WDR20: variants seen among roughly 807,000 people sequenced by gnomAD.
WDR20 encodes the protein WD repeat domain 20.
WDR20 carries 3 observed loss-of-function variants against 38.7 expected under a neutral mutation model. The observed-to-expected ratio is 0.08, with a 90% CI of 0.04 to 0.20. WDR20 has a LOEUF of 0.20. Ranked by LOEUF, WDR20 falls within the 10% of genes least tolerant of loss-of-function variation. The probability of loss-of-function intolerance (pLI) is 1.00; values close to 1 mark genes in which losing one functional copy is unlikely to be tolerated. For missense variants in WDR20, 559 were observed against 727.7 expected (o/e 0.77, Z 2.67); for synonymous variants, 298 against 285.6 (o/e 1.04, Z -0.44).
rs570206221 is a variant in WDR20, at chr14:102,207,787, C to T, written c.433-816C>T. ...CCTTTGGTGGGGCAGGTATTTTTGC[C>T]CTTCGTTATTTGGGTTTTAAAGGCA... On this transcript the variant is annotated intron_variant, in intron 2 of 2. Transcript: ENST00000342702. This position sits in a 1 kb window ranked among gnomAD's most constrained non-coding sequence, Gnocchi z 5.0. Among the ~76,000 whole-genome samples the T allele has an allele frequency of 6.6e-6, 1 of 152,218 alleles. No individual in the cohort carries two copies. Among genetic ancestry groups the T allele is most frequent in the African/African-American group, 2.4e-5 (1 of 41,532 alleles).
chr14:102,140,240 G>A (rs1316797235), intron 1 of WDR20, 68 bp downstream of exon 1: 1 of 1,588,364 alleles, frequency 6.3e-7, no homozygotes, highest in Admixed American at 1.7e-5. Context: ...GGCGGTGACA[G>A]TGGGGCCAGG....
chr14:102,208,919 A>C lies in WDR20; in HGVS notation c.749A>C (p.Asp250Ala), dbSNP rs1327556458. Residue 250 changes from aspartate (D) to alanine (A), a missense_variant, in exon 3 of 3, where the codon GAC becomes GCC. Transcript: ENST00000342702. The surrounding 1 kb of genome is among the most constrained non-coding windows in gnomAD (Gnocchi z 5.6). ...GGGTTTCTGCGGGTGTTCAACTTTG[A>C]CTCAGTGGAGCTGCACGGTACGATG... The part of the protein sequence containing the change: ...QDGFLRVFNF[D>A]SVELHGTMKS... 1 of 1,613,866 alleles carries C rather than the reference A, an allele frequency of 6.2e-7. No homozygotes were observed. The highest frequency in any genetic ancestry group is 8.5e-7 in the Non-Finnish European group (1 of 1,179,998).
chr14:102,152,278 T>C (rs1309349480), intron 1 of WDR20, among the ~76,000 whole-genome samples: 1 of 152,084 alleles, frequency 6.6e-6, no homozygotes, highest in Admixed American at 6.6e-5. Flanking sequence ...CCTGGAAGTA[T>C]TGATAAGAAA....
chr14:102,182,290 T>C (rs118157832), intron 1 of WDR20, among the ~76,000 whole-genome samples: 2,594 of 152,332 alleles, frequency 0.017, 50 homozygotes, highest in South Asian at 0.097. Context: ...CACAGTGAAC[T>C]GTTCTAACAC....
chr14:102,172,244 G>C (rs1290203322), intron 1 of WDR20, among the ~76,000 whole-genome samples: 1 of 147,484 alleles, frequency 6.8e-6, no homozygotes, highest in African/African-American at 2.4e-5. Context: ...AGATCAACAG[G>C]ATCCCAAGGC....
chr14:102,190,101 A>G (rs922160790), intron 1 of WDR20, among the ~76,000 whole-genome samples: 2 of 152,130 alleles, frequency 1.3e-5, no homozygotes, highest in Admixed American at 6.5e-5. Context: ...AAGGGTGGAG[A>G]GGCAAGATGG....
chr14:102,208,303 C>T lies in WDR20; in HGVS notation c.433-300C>T, dbSNP rs1036990431. Among the ~76,000 whole-genome samples, 5 of 152,354 alleles carry T rather than the reference C, an allele frequency of 3.3e-5. No homozygotes were observed. Among genetic ancestry groups the T allele is most frequent in the East Asian group, 1.9e-4 (1 of 5,194 alleles). On this transcript the variant is annotated intron_variant, in intron 2 of 2. Coordinates refer to ENST00000342702, the MANE Select transcript of WDR20 (RefSeq NM_144574.4). This position sits in a 1 kb window ranked among gnomAD's most constrained non-coding sequence, Gnocchi z 5.6. ...AAGATCCCAGCAGGGCTGTTCCCTCCGCAGTGAACCCTGTGCCTGGCATCG... is the reference window on the plus strand; with the variant it reads ...AAGATCCCAGCAGGGCTGTTCCCTCTGCAGTGAACCCTGTGCCTGGCATCG...
chr14:102,159,694 AGTG>A (rs1422346929), intron 1 of WDR20, among the ~76,000 whole-genome samples: 2 of 151,338 alleles, frequency 1.3e-5, no homozygotes, highest in African/African-American at 4.9e-5. Flanking sequence ...ATCAACGAGG[AGTG>A]GTGACCTGTG....
At chr14:102,147,231 C>T (rs1218826505) in intron 1 of WDR20, among the ~76,000 whole-genome samples, 1 of 152,258 alleles carries the variant, frequency 6.6e-6, no homozygotes. Flanking sequence ...CACATCTCTA[C>T]TAAAAATACA....
chr14:102,215,606 T>A (rs537151908), downstream of WDR20, among the ~76,000 whole-genome samples: 1 of 152,324 alleles, frequency 6.6e-6, no homozygotes, highest in South Asian at 2.1e-4. Context: ...TTTTTCCTTA[T>A]GCTCTCCCTC....
At chr14:102,163,673 T>C (rs1306720217) in intron 1 of WDR20, among the ~76,000 whole-genome samples, 3 of 145,358 alleles carry the variant, frequency 2.1e-5, no homozygotes, top group Non-Finnish European at 4.5e-5. Context: ...ATTCTGTTAA[T>C]AGCAGCAGAA....
downstream of WDR20, among the ~76,000 whole-genome samples, chr14:102,212,249 C>G (rs1234810345): frequency 6.6e-6 from 1 of 152,204 alleles, no homozygotes; most frequent in Non-Finnish European, 1.5e-5. Context: ...TGATAACAAT[C>G]TTTTTCTTCC....
chr14:102,222,853 G>C lies in WDR20; in HGVS notation c.1716G>C (p.Gln572His). Reference sequence around the variant, plus strand: ...AGGGCTCATTGTCATCCCCAAGCCAGGCCAGTTCTCCAGGTGGAACTGTAG... The same window carrying C: ...AGGGCTCATTGTCATCCCCAAGCCACGCCAGTTCTCCAGGTGGAACTGTAG... Residue 572 changes from glutamine (Q) to histidine (H), a missense_variant, in exon 4 of 4, where the codon CAG (glutamine) becomes CAC (histidine). Coordinates refer to the WDR20 transcript ENST00000335263. The surrounding 1 kb of genome is among the most constrained non-coding windows in gnomAD (Gnocchi z 4.4). 1.2e-6 allele frequency: 2 copies of C among 1,614,212 alleles called. No individual in the cohort carries two copies. Among genetic ancestry groups the C allele is most frequent in the East Asian group, 2.2e-5 (1 of 44,884 alleles).
intron 2 of WDR20, among the ~76,000 whole-genome samples, chr14:102,203,492 TA>T (rs2060894695): frequency 6.6e-6 from 1 of 152,162 alleles, no homozygotes; most frequent in African/African-American, 2.4e-5. Context: ...CGAAGCCCTT[TA>T]GCTTGGGACT....
At chr14:102,156,686 T>C (rs2057471308) in intron 1 of WDR20, among the ~76,000 whole-genome samples, 2 of 152,036 alleles carry the variant, frequency 1.3e-5, no homozygotes, top group Non-Finnish European at 2.9e-5. Context: ...AGATTTCTTT[T>C]ATAGATTTAT....
At chr14:102,182,939 C>T (rs2063707901) in intron 1 of WDR20, among the ~76,000 whole-genome samples, 1 of 151,654 alleles carries the variant, frequency 6.6e-6, no homozygotes, top group Non-Finnish European at 1.5e-5. Flanking sequence ...TGGTACATAC[C>T]TGTAATCTCA....
At chr14:102,189,407 A>C (rs2065778100) in intron 1 of WDR20, among the ~76,000 whole-genome samples, 1 of 152,222 alleles carries the variant, frequency 6.6e-6, no homozygotes, top group Non-Finnish European at 1.5e-5. Flanking sequence ...ATTTGTAATC[A>C]GTAACTCCTT....
intron 1 of WDR20, among the ~76,000 whole-genome samples, chr14:102,183,628 C>T (rs1318836058): frequency 6.6e-6 from 1 of 152,194 alleles, no homozygotes; most frequent in Non-Finnish European, 1.5e-5. Flanking sequence ...GGGCAGATCA[C>T]CACCTCTTCC....
chr14:102,164,837 A>G (rs999123643), intron 1 of WDR20, among the ~76,000 whole-genome samples: 7 of 152,184 alleles, frequency 4.6e-5, no homozygotes, highest in Non-Finnish European at 1.0e-4. Context: ...AGTTTCTGCT[A>G]TATCAGAAGT....
Sources: allele counts gnomAD v4.1 joint callset (sites outside exome capture counted in the v4.1 genomes callset), GRCh38; gene constraint gnomAD v4.1.1; non-coding constraint Gnocchi (gnomAD v3.1); transcripts MANE v1.5; gene names NCBI Gene and HGNC (gene_info 2026-07-23, HGNC 2026-07-21).